Variants in CNTNAP2 observed in about 807,000 individuals in gnomAD.
The protein encoded by CNTNAP2 is contactin-associated protein-like 2.
Under a neutral mutation model 155.2 loss-of-function variants are expected in CNTNAP2, and 98 were observed. The observed-to-expected ratio is 0.63, with a 90% CI of 0.54 to 0.75. CNTNAP2 has a LOEUF of 0.75. CNTNAP2 is among the 30% of genes least tolerant of loss of function. The pLI is 0.00. For synonymous variants in CNTNAP2, 651 were observed against 631.2 expected, an observed-to-expected ratio of 1.03 and a Z score of -0.47; for missense variants, 1,727 against 1,688.1, an observed-to-expected ratio of 1.02 and a Z score of -0.40.
intron 3 of CNTNAP2, among the ~76,000 whole-genome samples, chr7:146,961,977 G>T (rs912869533): frequency 1.3e-5 from 2 of 152,086 alleles, no homozygotes; most frequent in Admixed American, 6.6e-5. Flanking sequence ...GACAATTAAT[G>T]CACATTATCT....
chr7:146,263,249 G>C (rs993925409), intron 1 of CNTNAP2, among the ~76,000 whole-genome samples: 1 of 150,522 alleles, frequency 6.6e-6, no homozygotes, highest in Non-Finnish European at 1.5e-5. Flanking sequence ...AAGGAAAGGA[G>C]GGAGGGAGTG....
chr7:147,082,976 C>A (rs374493103), intron 4 of CNTNAP2: 1 of 152,086 alleles, frequency 6.6e-6, no homozygotes, highest in Non-Finnish European at 1.5e-5. Flanking sequence ...TCTGCTCTGC[C>A]GCCATGTTCT....
At chr7:146,228,353 C>T (rs778018111) in intron 1 of CNTNAP2, among the ~76,000 whole-genome samples, 25 of 152,274 alleles carry the variant, frequency 1.6e-4, no homozygotes, top group Admixed American at 3.3e-4. Context: ...TGCATAATTT[C>T]GGCAAGTCCC....
chr7:146,160,247 T>C (rs907239677), intron 1 of CNTNAP2, among the ~76,000 whole-genome samples: 2 of 152,000 alleles, frequency 1.3e-5, no homozygotes, highest in African/African-American at 4.8e-5. Flanking sequence ...GCAGGAAAAA[T>C]CTAAAATTGA....
At chr7:147,832,156 AT>A (rs1798557808) in intron 13 of CNTNAP2, among the ~76,000 whole-genome samples, 3 of 77,112 alleles carry the variant, frequency 3.9e-5, no homozygotes, top group Non-Finnish European at 7.7e-5. Flanking sequence ...TAAATATATA[AT>A]TTAATTATAT....
At chr7:146,142,902 A>G (rs1001481314) in intron 1 of CNTNAP2, among the ~76,000 whole-genome samples, 2 of 152,210 alleles carry the variant, frequency 1.3e-5, no homozygotes, top group Non-Finnish European at 2.9e-5. Context: ...AATGACTTTT[A>G]AAAAGAAGTC....
intron 13 of CNTNAP2, among the ~76,000 whole-genome samples, chr7:147,900,572 G>A (rs916042994): frequency 7.9e-5 from 12 of 152,114 alleles, no homozygotes; most frequent in African/African-American, 2.9e-4. Flanking sequence ...ATTCTTTATA[G>A]TAGTGTGAAA....
chr7:148,308,555 T>G (rs1288741805), intron 21 of CNTNAP2, among the ~76,000 whole-genome samples: 2 of 440 alleles, frequency 4.5e-3, no homozygotes, highest in African/African-American at 3.0e-3. Context: ...ATTTATGTAT[T>G]TATTTATTTA....
intron 18 of CNTNAP2, among the ~76,000 whole-genome samples, chr7:148,183,458 C>A (rs915640501): frequency 1.0e-3 from 144 of 139,096 alleles, no homozygotes; most frequent in African/African-American, 3.6e-3. Context: ...TTGATATTTA[C>A]AAGAAATACT....
chr7:147,284,429 T>C (rs1805130635), intron 8 of CNTNAP2, among the ~76,000 whole-genome samples: 1 of 151,884 alleles, frequency 6.6e-6, no homozygotes, highest in East Asian at 1.9e-4. Context: ...TTACGTAGCA[T>C]GTAATGAATA....
At chr7:146,319,778 T>C (rs572571798) in intron 1 of CNTNAP2, among the ~76,000 whole-genome samples, 13 of 152,180 alleles carry the variant, frequency 8.5e-5, no homozygotes, top group East Asian at 3.9e-4. Context: ...GTAGCTGATC[T>C]AATGTAGGTG....
intron 15 of CNTNAP2, among the ~76,000 whole-genome samples, chr7:148,036,921 T>C (rs1802582727): frequency 6.6e-6 from 1 of 152,182 alleles, no homozygotes; most frequent in African/African-American, 2.4e-5. Flanking sequence ...GACTGATATC[T>C]AATAGCTAAA....
intron 5 of CNTNAP2, among the ~76,000 whole-genome samples, chr7:147,114,862 C>T (rs371835569): frequency 6.6e-6 from 1 of 152,114 alleles, no homozygotes; most frequent in African/African-American, 2.4e-5. Context: ...ATGCTGCTAG[C>T]TGGTTAGTTT....
At chr7:147,035,879 G>A (rs1226973583) in intron 3 of CNTNAP2, among the ~76,000 whole-genome samples, 1 of 42,950 alleles carries the variant, frequency 2.3e-5, no homozygotes, top group African/African-American at 8.3e-5. Context: ...AAAAAAAAAT[G>A]TTAGTTCATG....
At chr7:146,197,920 G>A (rs755110609) in intron 1 of CNTNAP2, among the ~76,000 whole-genome samples, 3 of 152,086 alleles carry the variant, frequency 2.0e-5, no homozygotes, top group African/African-American at 4.8e-5. Context: ...TGGGTAGGTC[G>A]CAGGAAACTT....
intron 3 of CNTNAP2, among the ~76,000 whole-genome samples, chr7:146,864,601 T>C (rs944521701): frequency 6.6e-6 from 1 of 152,122 alleles, no homozygotes; most frequent in African/African-American, 2.4e-5. Flanking sequence ...AACAGAAGCA[T>C]AAAGATTGGA....
chr7:146,149,957 C>G (rs1341539712), intron 1 of CNTNAP2, among the ~76,000 whole-genome samples: 1 of 143,324 alleles, frequency 7.0e-6, no homozygotes, highest in Non-Finnish European at 1.5e-5. Flanking sequence ...CAGAATTAAA[C>G]AAACAAACAA....
chr7:146,248,890 G>A (rs1299074033), intron 1 of CNTNAP2, among the ~76,000 whole-genome samples: 3 of 152,172 alleles, frequency 2.0e-5, no homozygotes, highest in Admixed American at 6.5e-5. Context: ...CCTGGGTGCA[G>A]GCAGGCTGAG....
At chr7:146,825,757 T>A (rs545828282) in intron 2 of CNTNAP2, among the ~76,000 whole-genome samples, 1 of 152,288 alleles carries the variant, frequency 6.6e-6, no homozygotes, top group African/African-American at 2.4e-5. Flanking sequence ...CATCTTTTTG[T>A]CCTTTCATGT....
Sources: allele counts gnomAD v4.1 joint callset (sites outside exome capture counted in the v4.1 genomes callset), GRCh38; gene constraint gnomAD v4.1.1; transcripts MANE v1.5; gene names NCBI Gene and HGNC (gene_info 2026-07-23, HGNC 2026-07-21).